MBNL3: variants seen among roughly 807,000 people sequenced by gnomAD.
MBNL3 encodes the protein muscleblind-like protein 3.
A neutral mutation model predicts 24.5 loss-of-function variants in MBNL3; 6 were observed. The observed-to-expected ratio is 0.25, with a 90% CI of 0.13 to 0.48. The LOEUF is 0.48. Among genes scored for constraint, MBNL3 ranks in the 20% least tolerant of loss-of-function variants. The pLI is 0.99. For missense variants in MBNL3, 230 were observed against 293.5 expected (o/e 0.78, Z 1.58); for synonymous variants, 100 against 101.7 (o/e 0.98, Z 0.10).
chrX:132,425,048 T>C (rs948968273), intron 2 of MBNL3, among the ~76,000 whole-genome samples: 3 of 112,254 alleles, frequency 2.7e-5, no homozygotes, highest in Admixed American at 9.4e-5. Context: ...ATGGAAATCA[T>C]TGCCAAATGT....
At chrX:132,451,568 C>T (rs1010103432) in intron 1 of MBNL3, among the ~76,000 whole-genome samples, 3 of 111,758 alleles carry the variant, frequency 2.7e-5, no homozygotes, top group Non-Finnish European at 3.8e-5. Flanking sequence ...GTGCCTGCAG[C>T]GAGAATTTCA....
At chrX:132,421,404 T>C (rs1221300115) in intron 2 of MBNL3, among the ~76,000 whole-genome samples, 4 of 111,402 alleles carry the variant, frequency 3.6e-5, no homozygotes, top group Non-Finnish European at 7.5e-5. Flanking sequence ...AGAGAATTTA[T>C]ATACGTATAA....
Position 132,412,061 on chromosome X carries a change from G to A in MBNL3, c.178-5669C>T, listed in dbSNP as rs1418537457. 8.1e-5 allele frequency among the ~76,000 whole-genome samples: 9 copies of A among 111,338 alleles called. No individual in the cohort carries two copies. In the East Asian group the frequency reaches 2.5e-3, roughly 31 times the overall value. ...CCAAATGAACCGTTATTCTATTCAG[G>A]TCCAGAAAATAGCTAGTTCCTAACT... is the stretch of plus-strand genomic sequence containing the variant. On this transcript the variant is annotated intron_variant, in intron 2 of 8. Coordinates refer to ENST00000370853, the MANE Select transcript of MBNL3 (RefSeq NM_001386889.1).
At chrX:132,395,314 C>G (rs1173332137) in intron 3 of MBNL3, among the ~76,000 whole-genome samples, 1 of 111,451 alleles carries the variant, frequency 9.0e-6, no homozygotes, top group Non-Finnish European at 1.9e-5. Context: ...TATCTCAGCC[C>G]TTGATGTCAG....
chrX:132,482,574 T>A (rs751590369), intron 1 of MBNL3, among the ~76,000 whole-genome samples: 137 of 111,769 alleles, frequency 1.2e-3, no homozygotes, highest in African/African-American at 4.2e-3. Context: ...TGATGTCATG[T>A]CTAAATGTCG....
At chrX:132,441,787 T>C (rs1387296466) in intron 1 of MBNL3, among the ~76,000 whole-genome samples, 3 of 111,476 alleles carry the variant, frequency 2.7e-5, no homozygotes, top group Non-Finnish European at 5.7e-5. Flanking sequence ...AAAGAAATCC[T>C]CCTACATGAA....
chrX:132,405,325 G>A (rs1223238225), intron 3 of MBNL3, among the ~76,000 whole-genome samples: 1 of 111,527 alleles, frequency 9.0e-6, no homozygotes, highest in Admixed American at 9.5e-5. Context: ...TCAAATGAAT[G>A]CACTGTGGTA....
chrX:132,373,026 G>A lies in MBNL3; in HGVS notation c.*6640C>T. ...TATTTTCTTGAGGTTAGTAATAGAG[G>A]GCTTTTTTTGGGGGGGGGCCTCAGT... On this transcript the variant is annotated 3_prime_UTR_variant, in exon 9 of 9. Transcript: ENST00000370853. 9.1e-6 allele frequency: 1 copy of A among 109,908 alleles called. No homozygotes were observed. Among genetic ancestry groups the A allele is most frequent in the Non-Finnish European group, 1.9e-5 (1 of 52,563 alleles). The allele number at this position is 109,908 out of a possible 1,213,427, so 9.1% of individuals were successfully genotyped here.
chrX:132,466,682 A>ATTT (rs1416622175), intron 1 of MBNL3, among the ~76,000 whole-genome samples: 1 of 111,304 alleles, frequency 9.0e-6, no homozygotes, highest in Non-Finnish European at 1.9e-5. Flanking sequence ...GTAGTATGCC[A>ATTT]TTTCTTTATG....
At chrX:132,386,537 G>T in intron 6 of MBNL3, 124 bp downstream of exon 6, 1 of 772,914 alleles carries the variant, frequency 1.3e-6, no homozygotes, top group Non-Finnish European at 1.8e-6. Context: ...TAACTTCCTT[G>T]TTTTATTTTT....
intron 3 of MBNL3, among the ~76,000 whole-genome samples, chrX:132,392,919 A>T (rs1937419914): frequency 8.9e-6 from 1 of 111,823 alleles, no homozygotes; most frequent in Non-Finnish European, 1.9e-5. Context: ...GAGTGCTTTA[A>T]TATCTACCTA....
At chrX:132,413,556 T>C (rs1478147352) in intron 2 of MBNL3, 1 of 1,148,623 alleles carries the variant, frequency 8.7e-7, no homozygotes, top group Admixed American at 2.7e-5. Context: ...CAGAGTAAAG[T>C]AGAAGACACT....
intron 2 of MBNL3, among the ~76,000 whole-genome samples, chrX:132,421,037 A>C (rs1172206796): frequency 8.9e-6 from 1 of 111,737 alleles, no homozygotes; most frequent in African/African-American, 3.3e-5. Context: ...TGCTAAGCTG[A>C]GATTCAAGTG....
chrX:132,427,852 G>GT (rs963732875), intron 2 of MBNL3, among the ~76,000 whole-genome samples: 7 of 111,646 alleles, frequency 6.3e-5, no homozygotes, highest in South Asian at 3.7e-4. Context: ...GACATGTCTT[G>GT]TTTTTTGTCA....
At chrX:132,434,654 A>G (rs1031271785) in intron 2 of MBNL3, among the ~76,000 whole-genome samples, 1 of 112,076 alleles carries the variant, frequency 8.9e-6, no homozygotes, top group Non-Finnish European at 1.9e-5. Flanking sequence ...CAGTCTAATC[A>G]TGAGAAAACA....
intron 1 of MBNL3, among the ~76,000 whole-genome samples, chrX:132,469,934 C>T (rs1440800948): frequency 8.9e-6 from 1 of 111,908 alleles, no homozygotes; most frequent in Non-Finnish European, 1.9e-5. Context: ...TTTGCCTTTT[C>T]TGGACATTTC....
At chrX:132,433,047 C>G (rs1202674821) in intron 2 of MBNL3, among the ~76,000 whole-genome samples, 1 of 111,604 alleles carries the variant, frequency 9.0e-6, no homozygotes, top group Non-Finnish European at 1.9e-5. Context: ...CACAAGCTTC[C>G]AATGTTCTTC....
chrX:132,370,288 C>G lies in MBNL3; in HGVS notation c.*9378G>C, dbSNP rs1255899287. 1 of 112,054 alleles carries G rather than the reference C, an allele frequency of 8.9e-6. No homozygotes were observed. The highest frequency in any genetic ancestry group is 2.8e-4 in the East Asian group (1 of 3,567). The allele number at this position is 112,054 out of a possible 1,213,427, so 9.2% of individuals were successfully genotyped here. On this transcript the variant is annotated 3_prime_UTR_variant, in exon 9 of 9. Coordinates refer to ENST00000370853, the MANE Select transcript of MBNL3 (RefSeq NM_001386889.1). Reference sequence around the variant, plus strand: ...TCATACCTCAGGCCTGTCATTGTATCATGCCCTCTACAGATGATGACCATG... The same window carrying G: ...TCATACCTCAGGCCTGTCATTGTATGATGCCCTCTACAGATGATGACCATG...
At chrX:132,459,445 G>C (rs896825491) in intron 1 of MBNL3, among the ~76,000 whole-genome samples, 3 of 111,239 alleles carry the variant, frequency 2.7e-5, no homozygotes, top group Non-Finnish European at 5.7e-5. Flanking sequence ...TGCTTCCTTA[G>C]AATGGGAGAA....
Sources: allele counts gnomAD v4.1 joint callset (sites outside exome capture counted in the v4.1 genomes callset), GRCh38; gene constraint gnomAD v4.1.1; transcripts MANE v1.5; gene names NCBI Gene and HGNC (gene_info 2026-07-23, HGNC 2026-07-21).